TMEM114: variants seen among roughly 807,000 people sequenced by gnomAD.
TMEM114 encodes the protein claudin-26.
TMEM114 carries 6 observed loss-of-function variants against 6.2 expected under a neutral mutation model. The observed-to-expected ratio is 0.97, with a 90% CI of 0.53 to 1.91. The LOEUF (loss-of-function observed/expected upper bound fraction) is 1.91, where lower values mean the gene tolerates loss of function less well. TMEM114 is among the 40% of genes most tolerant of loss of function. TMEM114 has a pLI of 0.01. For synonymous variants in TMEM114, 104 were observed against 73.0 expected, an observed-to-expected ratio of 1.42 and a Z score of -2.16; for missense variants, 218 against 158.3, an observed-to-expected ratio of 1.38 and a Z score of -2.02.
chr16:8,567,301 G>C (rs1227863675), downstream of TMEM114, among the ~76,000 whole-genome samples: 7 of 152,248 alleles, frequency 4.6e-5, no homozygotes, highest in East Asian at 1.4e-3. Flanking sequence ...CTGTTCCCAT[G>C]TGAGCTAGGA....
intron 2 of TMEM114, among the ~76,000 whole-genome samples, chr16:8,550,542 G>A (rs1036851620): frequency 6.6e-6 from 1 of 152,110 alleles, no homozygotes. Flanking sequence ...GCCTGGTGTG[G>A]TGGTGCATGC....
chr16:8,569,922 TCTC>T lies in TMEM114; in HGVS notation c.520_522del (p.Glu174del). The T allele has an allele frequency of 1.9e-6, 3 of 1,551,104 alleles. No homozygotes were observed. The highest frequency in any genetic ancestry group is 2.6e-6 in the Non-Finnish European group (3 of 1,146,950). Reference sequence around the variant, plus strand: ...ATGTCCACCTGGTCCAGGAGGGCCTTCTCCTCCAAGAGACACAGCGCCTCCCGG... The same window carrying T: ...ATGTCCACCTGGTCCAGGAGGGCCTTCTCCAAGAGACACAGCGCCTCCCGG... On this transcript the variant is annotated inframe_deletion, in exon 4 of 4. Transcript: ENST00000620492.
intron 2 of TMEM114, among the ~76,000 whole-genome samples, chr16:8,573,908 T>G (rs1901824984): frequency 6.6e-6 from 1 of 152,208 alleles, no homozygotes; most frequent in Non-Finnish European, 1.5e-5. Context: ...TATTTCCCTG[T>G]GCACAATTGT....
intron 2 of TMEM114, among the ~76,000 whole-genome samples, chr16:8,574,361 C>T (rs1023297736): frequency 2.0e-5 from 3 of 152,180 alleles, no homozygotes; most frequent in Non-Finnish European, 4.4e-5. Flanking sequence ...TAAATCATAA[C>T]TCTATCAATA....
intron 2 of TMEM114, among the ~76,000 whole-genome samples, chr16:8,578,912 G>T (rs1902037717): frequency 1.3e-5 from 2 of 152,160 alleles, no homozygotes; most frequent in African/African-American, 4.8e-5. Context: ...CTGGGAGGCG[G>T]AGGTCACAGT....
At chr16:8,581,542 C>T (rs1902148991) in intron 2 of TMEM114, among the ~76,000 whole-genome samples, 1 of 151,406 alleles carries the variant, frequency 6.6e-6, no homozygotes, top group Non-Finnish European at 1.5e-5. Context: ...AAACCTCTGC[C>T]TCTTGAGCTC....
rs1402160360 is a variant in TMEM114, at chr16:8,590,470, G to A, written c.-632C>T. ...CTCCTGCTCTGGCCGGGGCGCAGCT[G>A]ACCCTCTGAGCCCTCCTCCTCGCCG... On this transcript the variant is annotated 5_prime_UTR_variant, in exon 1 of 4. Transcript: ENST00000620492. Among the ~76,000 whole-genome samples the A allele has an allele frequency of 6.6e-6, 1 of 152,188 alleles. No homozygotes were observed. The highest frequency in any genetic ancestry group is 1.9e-4 in the East Asian group (1 of 5,180).
downstream of TMEM114, among the ~76,000 whole-genome samples, chr16:8,536,756 C>T (rs1900372653): frequency 6.6e-6 from 1 of 152,022 alleles, no homozygotes; most frequent in Non-Finnish European, 1.5e-5. Context: ...GGGGAGGACT[C>T]CCAGTTGAGG....
At chr16:8,574,582 C>CTTCCTTCTTTCTTTCTTTCT (rs140621744) in intron 2 of TMEM114, among the ~76,000 whole-genome samples, 5,731 of 142,426 alleles carry the variant, frequency 0.04, 174 homozygotes, top group Non-Finnish European at 0.059. Context: ...TCCTTCCTTC[C>CTTCCTTCTTTCTTTCTTTCT]TTCTTTCTTT....
downstream of TMEM114, among the ~76,000 whole-genome samples, chr16:8,535,079 G>C (rs57871157): frequency 0.57 from 87,114 of 151,572 alleles, 25,056 homozygotes; most frequent in South Asian, 0.68. Context: ...AGGGGTGTGA[G>C]TGGTGGGAAG....
At position 8,589,801 on chromosome 16, in the gene TMEM114, G is replaced by C. The variant is rs967018378; in HGVS notation, c.38C>G (p.Ala13Gly). ...CACAAAGCTGAGCGCCCCGGTCAGCGCAGCCGCGCCGGCCAGCCCGCCCAG... is the reference window on the plus strand; with the variant it reads ...CACAAAGCTGAGCGCCCCGGTCAGCCCAGCCGCGCCGGCCAGCCCGCCCAG... ...VHLGGLAGAA[A>G]LTGALSFVLL... The change falls in exon 1 of 4, where the codon GCG becomes GGG. Residue 13 changes from alanine (A) to glycine (G), a missense_variant. Coordinates refer to ENST00000620492, the MANE Select transcript of TMEM114 (RefSeq NM_001146336.2). The C allele has an allele frequency of 2.5e-6, 1 of 398,346 alleles. No individual in the cohort carries two copies. The highest frequency in any genetic ancestry group is 4.4e-6 in the Non-Finnish European group (1 of 226,060). The allele number at this position is 398,346 out of a possible 1,614,324, so 24.7% of individuals were successfully genotyped here.
the TMEM114 span, chr16:8,526,775 C>T: frequency 0.56 from 85,446 of 152,030 alleles, 24,117 homozygotes; most frequent in South Asian, 0.62. Context: ...GATACACCCT[C>T]CAATCTAGCC....
intron 3 of TMEM114, among the ~76,000 whole-genome samples, chr16:8,571,561 T>A (rs946630105): frequency 3.3e-5 from 5 of 152,164 alleles, no homozygotes; most frequent in Non-Finnish European, 7.4e-5. Flanking sequence ...AATTGTGTGT[T>A]CTTTGACCAA....
intron 2 of TMEM114, among the ~76,000 whole-genome samples, chr16:8,537,978 G>C (rs1900409928): frequency 1.3e-5 from 2 of 151,994 alleles, no homozygotes; most frequent in Non-Finnish European, 2.9e-5. Flanking sequence ...GTCATGGCAG[G>C]GGTGGGTGGG....
intron 2 of TMEM114, among the ~76,000 whole-genome samples, chr16:8,558,397 C>T (rs561892695): frequency 6.6e-6 from 1 of 152,278 alleles, no homozygotes; most frequent in East Asian, 1.9e-4. Context: ...TCTCTCCAAC[C>T]CCTGCCTCTG....
rs535098959 is a variant in TMEM114, at chr16:8,563,629, G to T, written n.212+25584C>A. Among the ~76,000 whole-genome samples the T allele has an allele frequency of 3.4e-5, 5 of 147,566 alleles. No homozygotes were observed. In the South Asian group the frequency reaches 6.3e-4, roughly 19 times the overall value. ...AGTAAATGAGTGACTGAATGAGTGA[G>T]TGAATGAGTAAATGAGTGAGTGAAT... On this transcript the variant is annotated intron_variant and non_coding_transcript_variant, in intron 2 of 2. Transcript: ENST00000623677.
chr16:8,579,897 G>C (rs1902077552), intron 2 of TMEM114, among the ~76,000 whole-genome samples: 1 of 152,186 alleles, frequency 6.6e-6, no homozygotes, highest in Non-Finnish European at 1.5e-5. Flanking sequence ...ACGTACTCCA[G>C]CTTGAGAAGT....
chr16:8,536,413 A>C (rs116113123), downstream of TMEM114, among the ~76,000 whole-genome samples: 2 of 152,138 alleles, frequency 1.3e-5, no homozygotes, highest in Non-Finnish European at 2.9e-5. Flanking sequence ...GGGACTGAAC[A>C]TCCTTGTCTC....
chr16:8,543,568 C>G (rs1327797781), intron 2 of TMEM114, among the ~76,000 whole-genome samples: 1 of 152,044 alleles, frequency 6.6e-6, no homozygotes, highest in Non-Finnish European at 1.5e-5. Context: ...CATCATCTGG[C>G]CAACCCAACT....
Sources: gnomAD v4.1 joint callset for allele counts (sites outside exome capture counted in the v4.1 genomes callset) on GRCh38, gnomAD v4.1.1 for gene constraint, MANE v1.5 for transcripts, NCBI Gene and HGNC (gene_info 2026-07-23, HGNC 2026-07-21) for gene names.